Variants in ARFGEF1 observed in about 807,000 individuals in gnomAD.
ARFGEF1 encodes brefeldin A-inhibited guanine nucleotide-exchange protein 1.
In ARFGEF1, 42 loss-of-function variants were observed where a neutral mutation model predicts 231.0. That is an observed-to-expected ratio of 0.18 (90% confidence interval 0.14 to 0.24). ARFGEF1 has a LOEUF of 0.24. Ranked by LOEUF, ARFGEF1 falls within the 10% of genes least tolerant of loss-of-function variation. The pLI is 1.00. For missense variants in ARFGEF1, 1,345 were observed against 2,192.0 expected (o/e 0.61, Z 7.72); for synonymous variants, 710 against 732.3 (o/e 0.97, Z 0.49).
chr8:67,263,476 C>T (rs368160278), intron 14 of ARFGEF1, among the ~76,000 whole-genome samples: 1 of 152,208 alleles, frequency 6.6e-6, no homozygotes, highest in Admixed American at 6.5e-5. Flanking sequence ...AAGTCCTTTA[C>T]ATGGAGAATA....
rs2129577061 is a variant in ARFGEF1, at chr8:67,198,260, A to C, written c.*674T>G. The C allele has an allele frequency of 1.0e-6, 1 of 985,802 alleles. No individual in the cohort carries two copies. The highest frequency in any genetic ancestry group is 1.2e-6 in the Non-Finnish European group (1 of 829,868). 61.1% of individuals were successfully genotyped at this position (985,802 alleles called of 1,614,324 possible). On this transcript the variant is annotated 3_prime_UTR_variant, in exon 39 of 39. Coordinates refer to ENST00000262215, the MANE Select transcript of ARFGEF1 (RefSeq NM_006421.5). ...GCAAAACTAAAAATCCCTATAAAATAAAAAAGAAAGTTCCACCCAAATGTT... is the reference window on the plus strand; with the variant it reads ...GCAAAACTAAAAATCCCTATAAAATCAAAAAGAAAGTTCCACCCAAATGTT...
chr8:67,306,526 A>G (rs754342863), intron 1 of ARFGEF1, among the ~76,000 whole-genome samples: 18 of 151,642 alleles, frequency 1.2e-4, no homozygotes, highest in Non-Finnish European at 2.4e-4. Context: ...CCCTCATAAT[A>G]TTATTTTTAC....
chr8:67,328,072 A>AAGGGAAC (rs1171048765), intron 1 of ARFGEF1, among the ~76,000 whole-genome samples: 1 of 152,176 alleles, frequency 6.6e-6, no homozygotes, highest in Admixed American at 6.5e-5. Context: ...GGAGATAAAG[A>AAGGGAAC]AGGGAACAAG....
chr8:67,311,190 AGT>A (rs1309127729), intron 1 of ARFGEF1, among the ~76,000 whole-genome samples: 3 of 141,872 alleles, frequency 2.1e-5, no homozygotes. Context: ...CCCACTGGGA[AGT>A]GAGGAGCCCC....
intron 1 of ARFGEF1, among the ~76,000 whole-genome samples, chr8:67,311,243 G>T (rs1807023541): frequency 7.5e-6 from 1 of 134,074 alleles, no homozygotes. Flanking sequence ...GAGGTGGGGA[G>T]GTCAGCCCCC....
chr8:67,174,388 T>C (rs1328140719), downstream of ARFGEF1: 2 of 152,100 alleles, frequency 1.3e-5, no homozygotes, highest in African/African-American at 4.8e-5. Context: ...ATTCCAGCAG[T>C]GTAATTAGTG....
chr8:67,184,208 GAAGA>G (rs1470126111), intron 5 of ARFGEF1, among the ~76,000 whole-genome samples: 2 of 152,250 alleles, frequency 1.3e-5, no homozygotes, highest in South Asian at 2.1e-4. Flanking sequence ...GTGCATACAT[GAAGA>G]AAGTAGAAAG....
chr8:67,255,012 T>C (rs1053820656), intron 17 of ARFGEF1, among the ~76,000 whole-genome samples: 3 of 152,060 alleles, frequency 2.0e-5, no homozygotes, highest in African/African-American at 7.2e-5. Flanking sequence ...CAATAAGAAG[T>C]AAAGGAAGAT....
intron 5 of ARFGEF1, among the ~76,000 whole-genome samples, chr8:67,184,736 T>TTAAAAAAA (rs1316027774): frequency 1.6e-5 from 2 of 128,480 alleles, no homozygotes; most frequent in African/African-American, 6.9e-5. Flanking sequence ...AAAATAATAA[T>TTAAAAAAA]AAAAAAATAT....
chr8:67,299,489 C>T (rs757452794), intron 3 of ARFGEF1, 134 bp from the exon 4 acceptor site: 4 of 773,332 alleles, frequency 5.2e-6, no homozygotes, highest in Non-Finnish European at 7.7e-6. Context: ...AAGGTATTAT[C>T]AAAGCCAAAG....
Position 67,277,405 on chromosome 8 carries a change from A to G in ARFGEF1, c.1080T>C (p.Thr360=). Residue 360 remains threonine, a synonymous_variant, in exon 8 of 39, where the codon ACT becomes ACC. Coordinates refer to ENST00000262215, the MANE Select transcript of ARFGEF1 (RefSeq NM_006421.5). The part of the protein sequence containing the change: ...INASADGNIG[T]IEDGSDSENI... ...TTTCACTGTCACTACCATCCTCTATAGTTCCAATGTTGCCATCTGCACTTG... is the reference window on the plus strand; with the variant it reads ...TTTCACTGTCACTACCATCCTCTATGGTTCCAATGTTGCCATCTGCACTTG... The G allele has an allele frequency of 6.2e-7, 1 of 1,613,806 alleles. No homozygotes were observed. The highest frequency in any genetic ancestry group is 2.2e-5 in the East Asian group (1 of 44,834).
rs938544177 is a variant in ARFGEF1 at position 67,198,415 on chromosome 8, AGGATG to A, written c.*514_*518del. The A allele has an allele frequency of 6.1e-6, 6 of 985,914 alleles. No individual in the cohort carries two copies. The African/African-American group carries it at 1.0e-4, about 17-fold the overall frequency. 61.1% of individuals were successfully genotyped at this position (985,914 alleles called of 1,614,324 possible). On this transcript the variant is annotated 3_prime_UTR_variant, in exon 39 of 39. Coordinates refer to ENST00000262215, the MANE Select transcript of ARFGEF1 (RefSeq NM_006421.5). Reference sequence around the variant, plus strand: ...ACCTGCATCTCTGTACATTTTTCACAGGATGATTACCAGTATCTCAGATAGCCTGA... The same window carrying A: ...ACCTGCATCTCTGTACATTTTTCACAATTACCAGTATCTCAGATAGCCTGA...
chr8:67,175,289 A>G, downstream of ARFGEF1: 1 of 1,599,972 alleles, frequency 6.3e-7, no homozygotes, highest in East Asian at 2.2e-5. Flanking sequence ...CATATTTTTT[A>G]TACCAGATTC....
chr8:67,187,219 T>G (rs1302055216), intron 5 of ARFGEF1, among the ~76,000 whole-genome samples: 1 of 152,112 alleles, frequency 6.6e-6, no homozygotes, highest in Non-Finnish European at 1.5e-5. Context: ...AACAAACTGA[T>G]TCTAAAGTTC....
At chr8:67,179,199 TAA>T (rs1832407451) in intron 5 of ARFGEF1, among the ~76,000 whole-genome samples, 1 of 152,212 alleles carries the variant, frequency 6.6e-6, no homozygotes, top group Non-Finnish European at 1.5e-5. Flanking sequence ...TATGTAAATT[TAA>T]GTTTTCTCTA....
intron 5 of ARFGEF1, among the ~76,000 whole-genome samples, chr8:67,294,070 CT>C (rs1000405278): frequency 6.1e-5 from 9 of 148,394 alleles, no homozygotes; most frequent in East Asian, 2.0e-4. Context: ...GTACAGACAA[CT>C]TTTTTTTTTG....
Position 67,276,074 on chromosome 8 carries a change from A to G in ARFGEF1, c.1239T>C (p.Ala413=). Residue 413 remains alanine, a synonymous_variant, in exon 9 of 39, where the codon GCT becomes GCC. Coordinates refer to ENST00000262215, the MANE Select transcript of ARFGEF1 (RefSeq NM_006421.5). ...SGNSSGPSPG[A]KFSHILQKDA... Reference sequence around the variant, plus strand: ...CCTTTTGTAAAATGTGGGAAAACTTAGCACCAGGTGAAGGTCCTGAAGAAT... The same window carrying G: ...CCTTTTGTAAAATGTGGGAAAACTTGGCACCAGGTGAAGGTCCTGAAGAAT... 6.2e-7 allele frequency: 1 copy of G among 1,613,436 alleles called. No individual in the cohort carries two copies. Among genetic ancestry groups the G allele is most frequent in the Non-Finnish European group, 8.5e-7 (1 of 1,179,502 alleles).
chr8:67,293,007 T>C (rs1806076179), intron 5 of ARFGEF1, among the ~76,000 whole-genome samples: 2 of 152,114 alleles, frequency 1.3e-5, no homozygotes, highest in Admixed American at 6.6e-5. Context: ...TCTGACAAGA[T>C]TTGCTTTGTA....
At chr8:67,196,242 A>ATTT (rs999505301), downstream of ARFGEF1, 3 of 152,194 alleles carry the variant, frequency 2.0e-5, no homozygotes, top group African/African-American at 7.2e-5. Context: ...ATATAAATAA[A>ATTT]TTTTTATTTT....
Sources: gnomAD v4.1 joint callset for allele counts (sites outside exome capture counted in the v4.1 genomes callset) on GRCh38, gnomAD v4.1.1 for gene constraint, MANE v1.5 for transcripts, NCBI Gene and HGNC (gene_info 2026-07-23, HGNC 2026-07-21) for gene names.